The following RBFOX3 variants were observed in gnomAD, a reference collection of about 807,000 sequenced individuals.
The protein encoded by RBFOX3 is RNA binding protein fox-1 homolog 3.
In RBFOX3, 17 loss-of-function variants were observed where a neutral mutation model predicts 48.7. The observed-to-expected ratio is 0.35, with a 90% CI of 0.24 to 0.52. RBFOX3 has a LOEUF of 0.52. Among genes scored for constraint, RBFOX3 ranks in the 20% least tolerant of loss-of-function variants. The pLI, the probability that RBFOX3 is intolerant of heterozygous loss-of-function variation, is 0.94. For missense variants in RBFOX3, 382 were observed against 497.5 expected (o/e 0.77, Z 2.21); for synonymous variants, 212 against 209.5 (o/e 1.01, Z -0.10).
chr17:79,411,413 C>T (rs947228800), intron 2 of RBFOX3, among the ~76,000 whole-genome samples: 7 of 152,146 alleles, frequency 4.6e-5, no homozygotes, highest in African/African-American at 4.8e-5. Context: ...CTGCACGCAC[C>T]GTCCCTCTGT....
Position 79,482,828 on chromosome 17 carries a change from T to C in RBFOX3, c.-319-230A>G, listed in dbSNP as rs1340095114. On this transcript the variant is annotated intron_variant, in intron 1 of 14. Coordinates refer to ENST00000693108, the MANE Select transcript of RBFOX3 (RefSeq NM_001350451.2). This position sits in a 1 kb window ranked among gnomAD's most constrained non-coding sequence, Gnocchi z 4.1. ...TGCAGAAAACACATCATTAGGACCCTATTGCCAAACAGCCACCGTGCAGTC... is the reference window on the plus strand; with the variant it reads ...TGCAGAAAACACATCATTAGGACCCCATTGCCAAACAGCCACCGTGCAGTC... 2.0e-5 allele frequency among the ~76,000 whole-genome samples: 3 copies of C among 151,932 alleles called. No homozygotes were observed. Among genetic ancestry groups the C allele is most frequent in the Admixed American group, 2.0e-4 (3 of 15,268 alleles).
At chr17:79,384,068 G>A (rs1411010865) in intron 2 of RBFOX3, among the ~76,000 whole-genome samples, 1 of 152,100 alleles carries the variant, frequency 6.6e-6, no homozygotes, top group South Asian at 2.1e-4. Context: ...GTGAGTTCTC[G>A]CAGCCGCCAC....
chr17:79,186,023 C>T (rs2053325237), intron 4 of RBFOX3, among the ~76,000 whole-genome samples: 2 of 152,192 alleles, frequency 1.3e-5, no homozygotes, highest in South Asian at 2.1e-4. Context: ...TTCCTGGACC[C>T]CTGAGCTCAG....
At chr17:79,152,279 G>A (rs2612774) in intron 4 of RBFOX3, among the ~76,000 whole-genome samples, 97,952 of 151,974 alleles carry the variant, frequency 0.64, 31,938 homozygotes, top group Non-Finnish European at 0.69. Context: ...GCGAGACTTC[G>A]GGGCACCTCC....
intron 4 of RBFOX3, among the ~76,000 whole-genome samples, chr17:79,218,920 C>T (rs1412918806): frequency 6.6e-6 from 1 of 152,224 alleles, no homozygotes; most frequent in Admixed American, 6.5e-5. Flanking sequence ...CATGGGGTGA[C>T]CAGCGGTGAG....
rs1314653177 is a variant in RBFOX3, at chr17:79,290,359, G to A, written c.-74+17365C>T. ...GAGTCCTTGCTAGCTGTGTGGGCCC[G>A]GGTAAGCCATCGAGCCTCTAAGGGC... On this transcript the variant is annotated intron_variant, in intron 3 of 14. Transcript: ENST00000693108. Among the ~76,000 whole-genome samples, 3 of 152,108 alleles carry A rather than the reference G, an allele frequency of 2.0e-5. No individual in the cohort carries two copies. In the East Asian group the frequency reaches 5.8e-4, roughly 29 times the overall value.
intron 1 of RBFOX3, among the ~76,000 whole-genome samples, chr17:79,496,789 G>A (rs375614589): frequency 1.3e-5 from 2 of 152,270 alleles, no homozygotes; most frequent in East Asian, 1.9e-4. Flanking sequence ...CCTCCCATGC[G>A]TTATCTTAGG....
intron 2 of RBFOX3, among the ~76,000 whole-genome samples, chr17:79,333,708 C>T (rs956081694): frequency 1.3e-5 from 2 of 152,154 alleles, no homozygotes; most frequent in Non-Finnish European, 2.9e-5. Flanking sequence ...CAAAGACACA[C>T]CCACAGTCAG....
intron 2 of RBFOX3, among the ~76,000 whole-genome samples, chr17:79,343,685 A>G (rs2082437218): frequency 6.6e-6 from 1 of 152,182 alleles, no homozygotes; most frequent in Admixed American, 6.5e-5. Flanking sequence ...GACCCCTAGT[A>G]ACAGAGGCTA....
At chr17:79,145,712 G>A (rs1273669030) in intron 4 of RBFOX3, among the ~76,000 whole-genome samples, 2 of 152,190 alleles carry the variant, frequency 1.3e-5, no homozygotes, top group Admixed American at 6.5e-5. Flanking sequence ...CAAGGCGTTC[G>A]GCAAAGTGAG....
rs144823107 is a variant in RBFOX3 at position 79,371,883 on chromosome 17, C to T, written c.-174-64059G>A. On this transcript the variant is annotated intron_variant, in intron 2 of 14. Transcript: ENST00000693108. Reference sequence around the variant, plus strand: ...ACTGAGATGGGGAGCTGGCTGTCCCCGCAGAAAGCATTGTTCAATTCATAC... The same window carrying T: ...ACTGAGATGGGGAGCTGGCTGTCCCTGCAGAAAGCATTGTTCAATTCATAC... Among the ~76,000 whole-genome samples, 371 of 152,194 alleles carry T rather than the reference C, an allele frequency of 2.4e-3. 5 individuals carry two copies. The highest frequency in any genetic ancestry group is 0.019 in the Admixed American group (290 of 15,290).
intron 2 of RBFOX3, among the ~76,000 whole-genome samples, chr17:79,348,843 T>C (rs1277820187): frequency 6.6e-6 from 1 of 151,920 alleles, no homozygotes; most frequent in Non-Finnish European, 1.5e-5. Flanking sequence ...CCCAAAGTGC[T>C]GGTATTACAG....
chr17:79,398,578 A>C (rs923247956), intron 2 of RBFOX3, among the ~76,000 whole-genome samples: 1 of 152,058 alleles, frequency 6.6e-6, no homozygotes, highest in Non-Finnish European at 1.5e-5. Context: ...GGCTTCTGGC[A>C]TCTGGTGGGT....
intron 1 of RBFOX3, among the ~76,000 whole-genome samples, chr17:79,551,516 T>C (rs1316473066): frequency 2.7e-5 from 1 of 36,666 alleles, no homozygotes; most frequent in African/African-American, 5.5e-5. Context: ...GGTAGGTGGA[T>C]GGGTGGATGG....
intron 2 of RBFOX3, among the ~76,000 whole-genome samples, chr17:79,356,374 T>G (rs1259121878): frequency 9.4e-6 from 1 of 105,880 alleles, no homozygotes; most frequent in African/African-American, 3.6e-5. Context: ...TTTTTTTTTT[T>G]TTTTTTTTTT....
intron 1 of RBFOX3, chr17:79,600,999 G>C (rs2093692177): frequency 6.6e-6 from 1 of 152,438 alleles, no homozygotes; most frequent in African/African-American, 2.4e-5. Context: ...GGAACAGAGA[G>C]AGCCAGGCAG....
chr17:79,353,613 T>C (rs947900345), intron 2 of RBFOX3, among the ~76,000 whole-genome samples: 1 of 152,042 alleles, frequency 6.6e-6, no homozygotes, highest in Non-Finnish European at 1.5e-5. Flanking sequence ...ACACCAAACC[T>C]CCAGGAAATC....
At chr17:79,615,849 G>A (rs2093991636), upstream of RBFOX3, among the ~76,000 whole-genome samples, 1 of 152,120 alleles carries the variant, frequency 6.6e-6, no homozygotes, top group Non-Finnish European at 1.5e-5. Flanking sequence ...CCTTGCCCAA[G>A]AACTCCCTAA....
chr17:79,597,632 G>A (rs2093601333), intron 1 of RBFOX3, among the ~76,000 whole-genome samples: 1 of 152,206 alleles, frequency 6.6e-6, no homozygotes, highest in East Asian at 1.9e-4. Flanking sequence ...TGTCACTACA[G>A]CCCGACACTT....
Sources: allele counts gnomAD v4.1 joint callset (sites outside exome capture counted in the v4.1 genomes callset), GRCh38; gene constraint gnomAD v4.1.1; non-coding constraint Gnocchi (gnomAD v3.1); transcripts MANE v1.5; gene names NCBI Gene and HGNC (gene_info 2026-07-23, HGNC 2026-07-21).